The following BICC1 variants were observed in gnomAD, a reference collection of about 807,000 sequenced individuals.
BICC1 encodes the protein BicC family RNA binding protein 1.
BICC1 carries 43 observed loss-of-function variants against 111.0 expected under a neutral mutation model. The observed-to-expected ratio is 0.39, with a 90% CI of 0.30 to 0.50. The LOEUF (loss-of-function observed/expected upper bound fraction) is 0.50. Among genes scored for constraint, BICC1 ranks in the 20% least tolerant of loss-of-function variants. The pLI is 0.88. For missense variants in BICC1, 1,091 were observed against 1,203.2 expected, an observed-to-expected ratio of 0.91 and a Z score of 1.38; for synonymous variants, 467 against 434.4, an observed-to-expected ratio of 1.07 and a Z score of -0.93.
chr10:58,793,151 T>C (rs1843234027), intron 8 of BICC1, among the ~76,000 whole-genome samples: 1 of 152,182 alleles, frequency 6.6e-6, no homozygotes, highest in African/African-American at 2.4e-5. Flanking sequence ...GTACCCTTGA[T>C]ATAGTCGAGA....
intron 1 of BICC1, among the ~76,000 whole-genome samples, chr10:58,534,864 A>T (rs567862407): frequency 9.8e-4 from 149 of 151,488 alleles, no homozygotes; most frequent in African/African-American, 3.4e-3. Flanking sequence ...TCAATGAAAA[A>T]TTTTTTTTTA....
At chr10:58,616,261 G>T (rs1217216982) in intron 1 of BICC1, among the ~76,000 whole-genome samples, 1 of 152,230 alleles carries the variant, frequency 6.6e-6, no homozygotes, top group Non-Finnish European at 1.5e-5. Context: ...TGCCTGCAGG[G>T]GTCCCCCCAC....
intron 3 of BICC1, among the ~76,000 whole-genome samples, chr10:58,750,734 G>C (rs534544810): frequency 1.3e-5 from 2 of 152,130 alleles, no homozygotes; most frequent in Non-Finnish European, 2.9e-5. Flanking sequence ...CTCCCATCTA[G>C]GTCATAATTA....
intron 3 of BICC1, among the ~76,000 whole-genome samples, chr10:58,735,159 C>T (rs1841429388): frequency 6.6e-6 from 1 of 152,220 alleles, no homozygotes; most frequent in African/African-American, 2.4e-5. Context: ...TTCTTCCACA[C>T]ATGTGTTATC....
intron 1 of BICC1, among the ~76,000 whole-genome samples, chr10:58,528,645 T>C (rs568352660): frequency 1.3e-5 from 2 of 151,996 alleles, no homozygotes; most frequent in South Asian, 4.1e-4. Context: ...ATAAACCACT[T>C]CTCCCCACAA....
intron 2 of BICC1, among the ~76,000 whole-genome samples, chr10:58,692,928 G>GTA (rs1839954634): frequency 6.6e-6 from 1 of 150,838 alleles, no homozygotes; most frequent in African/African-American, 2.4e-5. Flanking sequence ...TGTTACATAT[G>GTA]TATACATGTG....
At chr10:58,730,615 T>G (rs184038758) in intron 3 of BICC1, among the ~76,000 whole-genome samples, 30 of 152,134 alleles carry the variant, frequency 2.0e-4, no homozygotes, top group African/African-American at 6.5e-4. Context: ...GGCTTCTGCT[T>G]GGACATCTAG....
At chr10:58,684,365 G>A (rs973258129) in intron 2 of BICC1, among the ~76,000 whole-genome samples, 1 of 152,120 alleles carries the variant, frequency 6.6e-6, no homozygotes, top group Non-Finnish European at 1.5e-5. Context: ...GCCAGGCTTT[G>A]GTATCAGGAT....
intron 1 of BICC1, among the ~76,000 whole-genome samples, chr10:58,618,593 C>T (rs1564515878): frequency 2.6e-5 from 4 of 152,156 alleles, no homozygotes; most frequent in Non-Finnish European, 4.4e-5. Flanking sequence ...TTCAGCTGCT[C>T]GTCATTCATC....
chr10:58,744,858 T>C (rs1430671688), intron 3 of BICC1, among the ~76,000 whole-genome samples: 1 of 152,124 alleles, frequency 6.6e-6, no homozygotes, highest in Non-Finnish European at 1.5e-5. Flanking sequence ...AGAGATAGCC[T>C]TATAGGAACT....
chr10:58,742,886 G>A (rs1306183660), intron 3 of BICC1, among the ~76,000 whole-genome samples: 1 of 152,130 alleles, frequency 6.6e-6, no homozygotes, highest in Admixed American at 6.5e-5. Context: ...CAGGTTACTA[G>A]AGAACTAGCT....
chr10:58,759,507 A>C (rs1842245544), intron 3 of BICC1, among the ~76,000 whole-genome samples: 1 of 152,168 alleles, frequency 6.6e-6, no homozygotes, highest in African/African-American at 2.4e-5. Context: ...TAGTGGCATA[A>C]AACATTCTTT....
chr10:58,731,451 A>G (rs942452505), intron 3 of BICC1, among the ~76,000 whole-genome samples: 2 of 152,002 alleles, frequency 1.3e-5, no homozygotes, highest in African/African-American at 4.8e-5. Context: ...TGTTGCTTCC[A>G]CATTTTCAGG....
chr10:58,793,427 A>T, intron 8 of BICC1, 57 bp from the exon 9 acceptor site: 1 of 1,460,598 alleles, frequency 6.8e-7, no homozygotes, highest in Non-Finnish European at 9.4e-7. Context: ...TTAAATTATC[A>T]GGTGTTTAAA....
chr10:58,576,572 G>A (rs573066344), intron 1 of BICC1, among the ~76,000 whole-genome samples: 1 of 151,986 alleles, frequency 6.6e-6, no homozygotes, highest in African/African-American at 2.4e-5. Flanking sequence ...GTCTTACTTC[G>A]TGCCTCCCAT....
chr10:58,741,203 G>C (rs189467536), intron 3 of BICC1, among the ~76,000 whole-genome samples: 10 of 152,314 alleles, frequency 6.6e-5, no homozygotes. Context: ...ACAGATGAGA[G>C]ATGAACTGTT....
intron 2 of BICC1, among the ~76,000 whole-genome samples, chr10:58,653,205 C>T (rs934268538): frequency 6.6e-6 from 1 of 152,076 alleles, no homozygotes; most frequent in African/African-American, 2.4e-5. Flanking sequence ...TGGTAGCTGC[C>T]ATATTTCACA....
chr10:58,620,758 A>G, intron 1 of BICC1, 97 bp from the exon 2 acceptor site: 2 of 1,136,178 alleles, frequency 1.8e-6, no homozygotes, highest in South Asian at 1.4e-5. Context: ...CAAGGCTGGC[A>G]TCTTGTTTGC....
At chr10:58,533,798 A>G (rs888012994) in intron 1 of BICC1, among the ~76,000 whole-genome samples, 2 of 151,962 alleles carry the variant, frequency 1.3e-5, no homozygotes, top group South Asian at 4.1e-4. Flanking sequence ...AAAATGAGAA[A>G]GAAAGAAAAG....
Sources: gnomAD v4.1 joint callset for allele counts (sites outside exome capture counted in the v4.1 genomes callset) on GRCh38, gnomAD v4.1.1 for gene constraint, MANE v1.5 for transcripts, NCBI Gene and HGNC (gene_info 2026-07-23, HGNC 2026-07-21) for gene names.